The following ACSS3 variants were observed in gnomAD, a reference collection of about 807,000 sequenced individuals.
ACSS3 encodes the protein acyl-CoA synthetase short-chain family member 3, mitochondrial.
A neutral mutation model predicts 84.2 loss-of-function variants in ACSS3; 64 were observed. The ratio of observed to expected loss-of-function variants is 0.76; its 90% CI spans 0.62 to 0.94. ACSS3 has a LOEUF of 0.94. ACSS3 is among the 40% of genes least tolerant of loss of function. The probability of loss-of-function intolerance (pLI) is 0.00; values close to 1 mark genes in which losing one functional copy is unlikely to be tolerated. For synonymous variants in ACSS3, 317 were observed against 310.1 expected (o/e 1.02, Z -0.23); for missense variants, 815 against 867.6 (o/e 0.94, Z 0.76).
chr12:81,198,620 T>C lies in ACSS3; in HGVS notation c.1251-721T>C, dbSNP rs140580194. Among the ~76,000 whole-genome samples, 415 of 151,500 alleles carry C rather than the reference T, an allele frequency of 2.7e-3. 4 individuals carry two copies. Among genetic ancestry groups the C allele is most frequent in the African/African-American group, 9.7e-3 (401 of 41,416 alleles). ...AAAAAAAAAAACCCATAAACACCCA[T>C]GCTCTCAACGAACCACTAATGGGGT... is the stretch of plus-strand genomic sequence containing the variant. On this transcript the variant is annotated intron_variant, in intron 8 of 15. Transcript: ENST00000548058.
At chr12:81,115,863 C>G (rs1299861191) in intron 2 of ACSS3, among the ~76,000 whole-genome samples, 2 of 152,134 alleles carry the variant, frequency 1.3e-5, no homozygotes, top group Non-Finnish European at 2.9e-5. Flanking sequence ...GGTCTACACT[C>G]TCTCAGTTTC....
intron 5 of ACSS3, among the ~76,000 whole-genome samples, chr12:81,147,890 C>T (rs1004205190): frequency 1.5e-4 from 23 of 150,174 alleles, no homozygotes; most frequent in South Asian, 6.3e-4. Flanking sequence ...CACACACAAA[C>T]GCACACATGT....
chr12:81,163,835 A>G (rs1289487081), intron 7 of ACSS3, among the ~76,000 whole-genome samples: 1 of 152,202 alleles, frequency 6.6e-6, no homozygotes, highest in Non-Finnish European at 1.5e-5. Context: ...AAACAAAGAA[A>G]ATAATTTTGT....
At chr12:81,087,810 A>G (rs1342740625) in intron 1 of ACSS3, among the ~76,000 whole-genome samples, 1 of 152,090 alleles carries the variant, frequency 6.6e-6, no homozygotes, top group East Asian at 1.9e-4. Context: ...ACTCTTATCA[A>G]TGGGATTTGT....
chr12:81,102,839 A>AT (rs1301775201), intron 1 of ACSS3, among the ~76,000 whole-genome samples: 2 of 151,696 alleles, frequency 1.3e-5, no homozygotes. Context: ...AAAAAAAAAA[A>AT]GGAGAAGATT....
At chr12:81,151,978 C>A (rs769103516) in intron 6 of ACSS3, 23 bp from the exon 7 acceptor site, 2 of 1,609,764 alleles carry the variant, frequency 1.2e-6, no homozygotes, top group East Asian at 4.5e-5. Flanking sequence ...AAAATATATT[C>A]ATTTTATTAT....
chr12:81,195,041 T>C (rs927707749), intron 8 of ACSS3, among the ~76,000 whole-genome samples: 1 of 152,032 alleles, frequency 6.6e-6, no homozygotes, highest in Non-Finnish European at 1.5e-5. Context: ...ACATGGGCAT[T>C]TGAACCATCT....
At chr12:81,106,385 T>G (rs1565978277) in intron 1 of ACSS3, among the ~76,000 whole-genome samples, 1 of 152,196 alleles carries the variant, frequency 6.6e-6, no homozygotes, top group Admixed American at 6.5e-5. Context: ...ACTGTCTAGT[T>G]ACAGGAAAAC....
At chr12:81,139,100 CT>C in intron 3 of ACSS3, 30 bp from the exon 4 acceptor site, 2 of 1,600,680 alleles carry the variant, frequency 1.2e-6, no homozygotes, top group Middle Eastern at 1.7e-4. Flanking sequence ...ATTGTTAAAG[CT>C]TTCTCTCCAT....
intron 9 of ACSS3, chr12:81,199,761 T>A (rs2135897374): frequency 9.1e-7 from 1 of 1,095,806 alleles, no homozygotes; most frequent in Middle Eastern, 2.3e-4. Flanking sequence ...TTGGGTTCAT[T>A]CCACCTTCAG....
At chr12:81,169,976 A>C (rs980151275) in intron 7 of ACSS3, among the ~76,000 whole-genome samples, 1 of 152,156 alleles carries the variant, frequency 6.6e-6, no homozygotes. Flanking sequence ...TCAGAAAGAG[A>C]CTAAATGTAT....
rs935944828 is a variant in ACSS3, at chr12:81,257,315, A to G, written c.*2393A>G. On this transcript the variant is annotated 3_prime_UTR_variant, in exon 16 of 16. Transcript: ENST00000548058. ...TATGTGATGAAAAAATAGGGCAAGA[A>G]AGATATACCTGAATCATCAGACTGC... The G allele has an allele frequency of 6.6e-6, 1 of 152,192 alleles. No homozygotes were observed. Among genetic ancestry groups the G allele is most frequent in the Non-Finnish European group, 1.5e-5 (1 of 68,038 alleles). 9.4% of individuals were successfully genotyped at this position (152,192 alleles called of 1,614,324 possible). A position where few individuals can be genotyped will look rare whatever the true frequency, so the allele number is the denominator to read the frequency against.
At chr12:81,128,904 A>C (rs757232605) in intron 2 of ACSS3, among the ~76,000 whole-genome samples, 3 of 152,214 alleles carry the variant, frequency 2.0e-5, no homozygotes, top group Non-Finnish European at 4.4e-5. Context: ...TTATGAACTC[A>C]TATGTTTTCC....
At chr12:81,113,550 A>G (rs988908680) in intron 2 of ACSS3, among the ~76,000 whole-genome samples, 12 of 152,104 alleles carry the variant, frequency 7.9e-5, no homozygotes, top group African/African-American at 2.2e-4. Context: ...CCACGAAGGC[A>G]GTGACTTTGT....
intron 1 of ACSS3, among the ~76,000 whole-genome samples, chr12:81,081,459 T>C (rs543123069): frequency 6.6e-6 from 1 of 152,262 alleles, no homozygotes; most frequent in African/African-American, 2.4e-5. Flanking sequence ...AAGTCTCTAT[T>C]AGAGAGACTT....
At chr12:81,213,977 T>TCCCTC (rs2032792015) in intron 9 of ACSS3, among the ~76,000 whole-genome samples, 3 of 35,358 alleles carry the variant, frequency 8.5e-5, no homozygotes, top group East Asian at 3.7e-4. Flanking sequence ...CTTTCTTTCT[T>TCCCTC]TCTTTCTTTC....
At chr12:81,219,990 A>C in intron 10 of ACSS3, 23 bp from the exon 11 acceptor site, 1 of 1,423,554 alleles carries the variant, frequency 7.0e-7, no homozygotes. Flanking sequence ...TTTTTATTCA[A>C]ATATTTATAT....
rs573117157 is a variant in ACSS3, at chr12:81,132,374, G to A, written c.457-2442G>A. ...AGTCTTGGGAGGGTGTATGTGTACA[G>A]GAATTTATCCATTTCTTCTAGATTT... On this transcript the variant is annotated intron_variant, in intron 2 of 15. Transcript: ENST00000548058. Among the ~76,000 whole-genome samples the A allele has an allele frequency of 6.6e-5, 10 of 152,234 alleles. No homozygotes were observed. In the South Asian group the frequency reaches 2.1e-3, roughly 32 times the overall value.
chr12:81,140,064 C>A (rs1474592129), intron 4 of ACSS3, among the ~76,000 whole-genome samples: 1 of 152,164 alleles, frequency 6.6e-6, no homozygotes, highest in South Asian at 2.1e-4. Context: ...TGTCAAGATG[C>A]GAATGCATGC....
Sources: allele counts gnomAD v4.1 joint callset (sites outside exome capture counted in the v4.1 genomes callset), GRCh38; gene constraint gnomAD v4.1.1; transcripts MANE v1.5; gene names NCBI Gene and HGNC (gene_info 2026-07-23, HGNC 2026-07-21).